Variants in GRM8 observed in about 807,000 individuals in gnomAD.
The protein encoded by GRM8 is metabotropic glutamate receptor 8.
A neutral mutation model predicts 87.2 loss-of-function variants in GRM8; 47 were observed. The observed-to-expected ratio is 0.54, with a 90% confidence interval of 0.43 to 0.69. The LOEUF (loss-of-function observed/expected upper bound fraction) is 0.69. GRM8 is among the 30% of genes least tolerant of loss of function. The pLI, the probability that GRM8 is intolerant of heterozygous loss-of-function variation, is 0.00. For synonymous variants in GRM8, 396 were observed against 404.5 expected (o/e 0.98, Z 0.25); for missense variants, 1,019 against 1,139.2 (o/e 0.89, Z 1.52).
At chr7:126,449,065 T>C (rs1389532412) in intron 9 of GRM8, among the ~76,000 whole-genome samples, 1 of 151,758 alleles carries the variant, frequency 6.6e-6, no homozygotes, top group Non-Finnish European at 1.5e-5. Flanking sequence ...CACAAAATCA[T>C]ACCCTAAGTC....
chr7:126,770,328 T>C lies in GRM8; in HGVS notation c.1157-263A>G, dbSNP rs79548403. Among the ~76,000 whole-genome samples, 732 of 152,252 alleles carry C rather than the reference T, an allele frequency of 4.8e-3. 6 individuals carry two copies. The highest frequency in any genetic ancestry group is 0.017 in the African/African-American group (702 of 41,568). On this transcript the variant is annotated intron_variant, in intron 6 of 10. Coordinates refer to ENST00000339582, the MANE Select transcript of GRM8 (RefSeq NM_000845.3). ...GTTTCATTATCTTTTTTCCACCTTA[T>C]TGAGTCCTATTATATTGTGCATTCT... is the stretch of plus-strand genomic sequence containing the variant.
Position 127,232,233 on chromosome 7 carries a change from G to C in GRM8, c.510+10462C>G, listed in dbSNP as rs1439643304. Reference sequence around the variant, plus strand: ...TGTGTGAGAGAGAGAGAGAGAGAGAGAGAGAGACAGACAGACAGACAGGGT... The same window carrying C: ...TGTGTGAGAGAGAGAGAGAGAGAGACAGAGAGACAGACAGACAGACAGGGT... On this transcript the variant is annotated intron_variant, in intron 2 of 10. Transcript: ENST00000339582. Among the ~76,000 whole-genome samples the C allele has an allele frequency of 3.2e-4, 48 of 150,754 alleles. 1 individual carries two copies. The highest frequency in any genetic ancestry group is 1.2e-3 in the East Asian group (6 of 4,932).
chr7:126,497,284 T>C (rs1808904859), intron 9 of GRM8, among the ~76,000 whole-genome samples: 1 of 151,988 alleles, frequency 6.6e-6, no homozygotes, highest in Non-Finnish European at 1.5e-5. Flanking sequence ...TGCCAATTCA[T>C]TAATTTTCTT....
At chr7:126,471,315 T>C (rs1239241797) in intron 9 of GRM8, among the ~76,000 whole-genome samples, 2 of 152,176 alleles carry the variant, frequency 1.3e-5, no homozygotes, top group Non-Finnish European at 2.9e-5. Context: ...AGGGTTTTTA[T>C]GGTTTTAGGT....
At chr7:126,749,391 G>GCTATGCCTA in intron 7 of GRM8, among the ~76,000 whole-genome samples, 1 of 151,856 alleles carries the variant, frequency 6.6e-6, no homozygotes, top group Non-Finnish European at 1.5e-5. Context: ...TCATAAGCTT[G>GCTATGCCTA]AGTTAGGCAC....
intron 3 of GRM8, among the ~76,000 whole-genome samples, chr7:126,982,326 C>T (rs576752687): frequency 2.0e-5 from 3 of 152,180 alleles, no homozygotes; most frequent in Admixed American, 6.5e-5. Flanking sequence ...TTGGCAACAC[C>T]CTCACAGACA....
intron 2 of GRM8, among the ~76,000 whole-genome samples, chr7:127,200,925 CTTTCCTTTACCAAGGAA>C (rs1228153217): frequency 1.3e-5 from 2 of 152,280 alleles, no homozygotes; most frequent in East Asian, 3.9e-4. Context: ...AACTACTCAC[CTTTCCTTTACCAAGGAA>C]TTTCTAAGGG....
intron 6 of GRM8, among the ~76,000 whole-genome samples, chr7:126,864,187 G>T (rs1000607691): frequency 1.3e-5 from 2 of 151,728 alleles, no homozygotes; most frequent in Admixed American, 1.3e-4. Flanking sequence ...TACCTTTAAA[G>T]ATTACCTTCC....
intron 8 of GRM8, among the ~76,000 whole-genome samples, chr7:126,604,589 C>G (rs1407196369): frequency 6.6e-6 from 1 of 152,034 alleles, no homozygotes. Flanking sequence ...TCTCAGAACT[C>G]TATCAAGTTG....
chr7:126,641,050 A>C (rs1363448718), intron 7 of GRM8, among the ~76,000 whole-genome samples: 1 of 152,136 alleles, frequency 6.6e-6, no homozygotes, highest in Non-Finnish European at 1.5e-5. Context: ...AAATGTCATA[A>C]TCACTTGCTT....
chr7:126,643,312 AAAAAAAAATATATATATATATAT>A (rs1802647251), intron 7 of GRM8, among the ~76,000 whole-genome samples: 1 of 27,652 alleles, frequency 3.6e-5, no homozygotes, highest in Admixed American at 3.1e-4. Context: ...AAAAAAAAAA[AAAAAAAAATATATATATATATAT>A]ATATATATAT....
chr7:126,765,709 T>C (rs1585844081), intron 7 of GRM8, among the ~76,000 whole-genome samples: 1 of 152,104 alleles, frequency 6.6e-6, no homozygotes, highest in South Asian at 2.1e-4. Flanking sequence ...GTTTAAAAAT[T>C]ATAGAAATAA....
chr7:126,706,565 A>G (rs1810548669), intron 7 of GRM8, among the ~76,000 whole-genome samples: 1 of 152,144 alleles, frequency 6.6e-6, no homozygotes. Flanking sequence ...AGTCTGCCTT[A>G]CTCAGTCTAC....
chr7:127,249,201 T>C (rs1440563118), intron 1 of GRM8, among the ~76,000 whole-genome samples: 1 of 152,162 alleles, frequency 6.6e-6, no homozygotes, highest in Non-Finnish European at 1.5e-5. Context: ...CTCCTAGATA[T>C]TCCTACTTCT....
At chr7:126,751,716 C>G (rs1816435805) in intron 7 of GRM8, among the ~76,000 whole-genome samples, 1 of 152,166 alleles carries the variant, frequency 6.6e-6, no homozygotes, top group Non-Finnish European at 1.5e-5. Context: ...CTAGAACAGA[C>G]AATAGGGAGG....
intron 7 of GRM8, among the ~76,000 whole-genome samples, chr7:126,743,495 A>G (rs1585747749): frequency 6.6e-6 from 1 of 152,284 alleles, no homozygotes; most frequent in Non-Finnish European, 1.5e-5. Flanking sequence ...TAGCAATAAA[A>G]AATAAATAAA....
chr7:127,196,634 C>T (rs1010199274), intron 2 of GRM8, among the ~76,000 whole-genome samples: 1 of 152,126 alleles, frequency 6.6e-6, no homozygotes, highest in Non-Finnish European at 1.5e-5. Flanking sequence ...TTACACTTCC[C>T]TCATAATTAT....
At chr7:127,185,162 C>T (rs1339799540) in intron 2 of GRM8, among the ~76,000 whole-genome samples, 1 of 151,866 alleles carries the variant, frequency 6.6e-6, no homozygotes, top group Non-Finnish European at 1.5e-5. Flanking sequence ...CAACAGAATA[C>T]AGTAAAGTAA....
intron 3 of GRM8, among the ~76,000 whole-genome samples, chr7:127,033,390 G>A (rs1222546736): frequency 6.6e-6 from 1 of 151,582 alleles, no homozygotes; most frequent in Non-Finnish European, 1.5e-5. Flanking sequence ...TGTCAGATTA[G>A]GACACCTATA....
Sources: gnomAD v4.1 joint callset for allele counts (sites outside exome capture counted in the v4.1 genomes callset) on GRCh38, gnomAD v4.1.1 for gene constraint, MANE v1.5 for transcripts, NCBI Gene and HGNC (gene_info 2026-07-23, HGNC 2026-07-21) for gene names.